The following ATP8B1 variants were observed in gnomAD, a reference collection of about 807,000 sequenced individuals.
The protein encoded by ATP8B1 is ATPase phospholipid transporting 8B1.
In ATP8B1, 80 loss-of-function variants were observed where a neutral mutation model predicts 149.9. The ratio of observed to expected loss-of-function variants is 0.53; its 90% CI spans 0.45 to 0.64. ATP8B1 has a LOEUF of 0.64. Ranked by LOEUF, ATP8B1 falls within the 30% of genes least tolerant of loss-of-function variation. The pLI is 0.00. For synonymous variants in ATP8B1, 536 were observed against 562.8 expected (o/e 0.95, Z 0.67); for missense variants, 1,247 against 1,552.6 (o/e 0.80, Z 3.31).
intron 1 of ATP8B1, among the ~76,000 whole-genome samples, chr18:57,747,167 C>T (rs1280701390): frequency 6.6e-6 from 1 of 152,160 alleles, no homozygotes; most frequent in Non-Finnish European, 1.5e-5. Context: ...AAGTCAGTGG[C>T]CCAGGCCGGG....
At chr18:57,707,061 CT>C (rs758255696) in intron 2 of ATP8B1, among the ~76,000 whole-genome samples, 38 of 152,184 alleles carry the variant, frequency 2.5e-4, no homozygotes, top group Admixed American at 3.9e-4. Context: ...AATCCCAGCA[CT>C]TTGGGAGGCC....
chr18:57,759,663 A>G (rs1418732584), intron 1 of ATP8B1, among the ~76,000 whole-genome samples: 1 of 151,488 alleles, frequency 6.6e-6, no homozygotes, highest in Non-Finnish European at 1.5e-5. Context: ...AAAAAAAAAG[A>G]ATTAGCCGGG....
chr18:57,763,572 T>C (rs557754613), intron 1 of ATP8B1, among the ~76,000 whole-genome samples: 1 of 152,282 alleles, frequency 6.6e-6, no homozygotes, highest in East Asian at 1.9e-4. Flanking sequence ...TCTATTGATG[T>C]CATTTCTTTT....
intron 12 of ATP8B1, among the ~76,000 whole-genome samples, chr18:57,690,027 A>C (rs1204710174): frequency 6.7e-6 from 1 of 149,756 alleles, no homozygotes; most frequent in Non-Finnish European, 1.5e-5. Flanking sequence ...AAACAAAACA[A>C]ACAAACAACA....
chr18:57,648,690 A>T lies in ATP8B1; in HGVS notation c.3554T>A (p.Leu1185Ter). 1 of 1,559,112 alleles carries T rather than the reference A, an allele frequency of 6.4e-7. No homozygotes were observed. The highest frequency in any genetic ancestry group is 8.7e-7 in the Non-Finnish European group (1 of 1,152,262). The change falls in exon 28 of 28, where the codon TTG (leucine) becomes TAG (stop). Residue 1185 changes from leucine (L) to a stop codon, truncating the protein, a stop_gained. Transcript: ENST00000648908. LOFTEE classifies it high-confidence loss of function. ...SDKIQKHRKR[L>*]KAEEQWQRRQ... ...TCGCTGCCACTGCTCCTCCGCCTTC[A>T]ACCGCTTGCGATGCTTCTGGATCTG...
intron 1 of ATP8B1, among the ~76,000 whole-genome samples, chr18:57,743,892 G>C (rs895287443): frequency 6.6e-6 from 1 of 152,136 alleles, no homozygotes; most frequent in South Asian, 2.1e-4. Flanking sequence ...CTGTTCAAAA[G>C]TCACCCTGGA....
At chr18:57,720,144 G>A (rs2079628487) in intron 2 of ATP8B1, among the ~76,000 whole-genome samples, 1 of 150,346 alleles carries the variant, frequency 6.7e-6, no homozygotes, top group Admixed American at 6.7e-5. Context: ...CAAAGATGGG[G>A]AAAAAACAGA....
At chr18:57,767,557 G>A (rs1399546932) in intron 1 of ATP8B1, among the ~76,000 whole-genome samples, 1 of 152,152 alleles carries the variant, frequency 6.6e-6, no homozygotes, top group East Asian at 1.9e-4. Flanking sequence ...GGAGGGCGAG[G>A]TGGGTGGATC....
Position 57,803,140 on chromosome 18 carries a change from CG to C in ATP8B1, c.-169del. On this transcript the variant is annotated 5_prime_UTR_variant, in exon 1 of 28. Coordinates refer to ENST00000648908, the MANE Select transcript of ATP8B1 (RefSeq NM_001374385.1). ...CGCTGCATGGCGCACGGGGGCTGGCCGGGGGCCCGGGGAAGCGTGTCTAGTT... is the reference window on the plus strand; with the variant it reads ...CGCTGCATGGCGCACGGGGGCTGGCCGGGGCCCGGGGAAGCGTGTCTAGTT... 1 of 152,210 alleles carries C rather than the reference CG, an allele frequency of 6.6e-6. No individual in the cohort carries two copies. The highest frequency in any genetic ancestry group is 1.5e-5 in the Non-Finnish European group (1 of 68,082). 9.4% of individuals were successfully genotyped at this position (152,210 alleles called of 1,614,324 possible).
chr18:57,719,598 C>T (rs2079619215), intron 2 of ATP8B1, among the ~76,000 whole-genome samples: 3 of 152,320 alleles, frequency 2.0e-5, no homozygotes, highest in Middle Eastern at 3.4e-3. Flanking sequence ...ACACCTGGCT[C>T]GGAGGGTCCT....
At chr18:57,762,399 G>T (rs1169521981) in intron 1 of ATP8B1, among the ~76,000 whole-genome samples, 2 of 151,844 alleles carry the variant, frequency 1.3e-5, no homozygotes, top group Non-Finnish European at 2.9e-5. Flanking sequence ...TCAGCCCCCC[G>T]AAGTGCTGAG....
chr18:57,742,605 G>C (rs2079926531), intron 1 of ATP8B1, among the ~76,000 whole-genome samples: 1 of 152,102 alleles, frequency 6.6e-6, no homozygotes, highest in East Asian at 1.9e-4. Flanking sequence ...GCTGAGGCAG[G>C]AGGATCATTT....
chr18:57,679,875 G>A (rs570205933), intron 15 of ATP8B1, among the ~76,000 whole-genome samples: 1 of 152,108 alleles, frequency 6.6e-6, no homozygotes, highest in East Asian at 2.0e-4. Flanking sequence ...ATATTGGTCA[G>A]GCTGGTCTTG....
intron 1 of ATP8B1, among the ~76,000 whole-genome samples, chr18:57,793,751 G>C (rs1474241464): frequency 2.6e-5 from 4 of 152,068 alleles, no homozygotes; most frequent in Non-Finnish European, 5.9e-5. Flanking sequence ...CCTCCTGAGT[G>C]TTTGCTCAAA....
At chr18:57,713,235 C>CTTT (rs1913808301) in intron 2 of ATP8B1, among the ~76,000 whole-genome samples, 239 of 129,342 alleles carry the variant, frequency 1.8e-3, no homozygotes, top group Non-Finnish European at 2.5e-3. Context: ...TTCCTTCCTT[C>CTTT]CTTCCTTCTT....
intron 1 of ATP8B1, among the ~76,000 whole-genome samples, chr18:57,732,251 A>ATG (rs1287662143): frequency 1.6e-4 from 2 of 12,460 alleles, no homozygotes; most frequent in African/African-American, 5.0e-4. Context: ...ATATGTATAT[A>ATG]TGTATATATG....
chr18:57,763,216 G>C (rs1405257386), intron 1 of ATP8B1, among the ~76,000 whole-genome samples: 3 of 152,106 alleles, frequency 2.0e-5, no homozygotes, highest in African/African-American at 7.2e-5. Context: ...AACATGGAGA[G>C]GCCCTGTCTC....
chr18:57,737,815 G>GGAAGCAAA (rs1372118061), intron 1 of ATP8B1: 1 of 152,272 alleles, frequency 6.6e-6, no homozygotes, highest in African/African-American at 2.4e-5. Context: ...GAGGAAGCAA[G>GGAAGCAAA]CACGGAGGAA....
chr18:57,775,081 A>C (rs9949198), intron 1 of ATP8B1, among the ~76,000 whole-genome samples: 4,177 of 152,260 alleles, frequency 0.027, 184 homozygotes, highest in African/African-American at 0.096. Flanking sequence ...TGGGAGGCCA[A>C]GAGGGGTGCA....
Sources: gnomAD v4.1 joint callset for allele counts (sites outside exome capture counted in the v4.1 genomes callset) on GRCh38, gnomAD v4.1.1 for gene constraint, MANE v1.5 for transcripts, NCBI Gene and HGNC (gene_info 2026-07-23, HGNC 2026-07-21) for gene names.